CCDC171: variants seen among roughly 807,000 people sequenced by gnomAD.
CCDC171 encodes the protein coiled-coil domain-containing protein 171.
CCDC171 carries 177 observed loss-of-function variants against 168.2 expected under a neutral mutation model. That is an observed-to-expected ratio of 1.05 (90% CI 0.93 to 1.19). The LOEUF (loss-of-function observed/expected upper bound fraction) is 1.19. Ranked by LOEUF, CCDC171 falls within the 50% of genes most tolerant of loss-of-function variation. The pLI is 0.00. For missense variants in CCDC171, 1,991 were observed against 1,539.0 expected (o/e 1.29, Z -4.91); for synonymous variants, 687 against 540.8 (o/e 1.27, Z -3.75).
intron 21 of CCDC171, among the ~76,000 whole-genome samples, chr9:15,798,985 TTC>T (rs999554519): frequency 2.0e-5 from 3 of 151,664 alleles, no homozygotes; most frequent in Non-Finnish European, 2.9e-5. Flanking sequence ...TCCATTTCTT[TTC>T]TTTCATTCTC....
chr9:16,094,892 G>A, the CCDC171 span, among the ~76,000 whole-genome samples: 2 of 152,182 alleles, frequency 1.3e-5, no homozygotes, highest in African/African-American at 2.4e-5. Context: ...CCTGATGGAG[G>A]TGATTGGATC....
At chr9:15,919,258 T>C (rs1056739718) in intron 24 of CCDC171, among the ~76,000 whole-genome samples, 2 of 151,640 alleles carry the variant, frequency 1.3e-5, no homozygotes, top group Non-Finnish European at 3.0e-5. Flanking sequence ...GTAACTAACT[T>C]ACCTCTGTTT....
chr9:16,006,786 A>G (rs1195254075), intron 3 of CCDC171, among the ~76,000 whole-genome samples: 5 of 152,276 alleles, frequency 3.3e-5, no homozygotes, highest in Non-Finnish European at 7.4e-5. Flanking sequence ...GCTGCATGGT[A>G]TTCCATGGTG....
intron 6 of CCDC171, among the ~76,000 whole-genome samples, chr9:15,606,868 C>T (rs1564034295): frequency 6.6e-6 from 1 of 152,124 alleles, no homozygotes; most frequent in Non-Finnish European, 1.5e-5. Context: ...GAAGAACTTC[C>T]CTCAATTTCC....
At chr9:15,723,546 C>A in intron 12 of CCDC171, 135 bp from the exon 13 acceptor site, 1 of 632,132 alleles carries the variant, frequency 1.6e-6, no homozygotes, top group Non-Finnish European at 2.8e-6. Context: ...CTCTTAATTA[C>A]TATTGAAAAA....
At chr9:15,611,838 G>C (rs973723906) in intron 6 of CCDC171, among the ~76,000 whole-genome samples, 3 of 152,138 alleles carry the variant, frequency 2.0e-5, no homozygotes, top group African/African-American at 7.2e-5. Flanking sequence ...AAGGTTAGCT[G>C]TTTTGCTAGG....
chr9:15,641,404 CAG>C (rs1358166471), intron 7 of CCDC171, among the ~76,000 whole-genome samples: 9 of 152,124 alleles, frequency 5.9e-5, no homozygotes, highest in African/African-American at 2.2e-4. Context: ...TTGGGGATAA[CAG>C]AATGTAGTAG....
chr9:15,940,345 A>G (rs1359412511), intron 25 of CCDC171, among the ~76,000 whole-genome samples: 2 of 151,884 alleles, frequency 1.3e-5, no homozygotes, highest in African/African-American at 4.8e-5. Context: ...CAAGTCATTT[A>G]AGGTCATTTC....
chr9:15,640,853 T>C (rs1431268156), intron 7 of CCDC171, among the ~76,000 whole-genome samples: 1 of 152,144 alleles, frequency 6.6e-6, no homozygotes, highest in Non-Finnish European at 1.5e-5. Flanking sequence ...GGCATCTTTT[T>C]TGGTAATAAA....
chr9:15,711,155 A>G (rs988474897), intron 11 of CCDC171, among the ~76,000 whole-genome samples: 3 of 152,164 alleles, frequency 2.0e-5, no homozygotes, highest in African/African-American at 7.2e-5. Flanking sequence ...GTGACTAAGG[A>G]ATTGAAAATT....
exon 2 of CCDC171, chr9:16,060,767 G>A (rs1833921950): frequency 6.6e-6 from 1 of 152,220 alleles, no homozygotes; most frequent in African/African-American, 2.4e-5. Context: ...CTAGTTACAA[G>A]AACAGCAGAA....
chr9:15,774,927 G>T (rs781752577), intron 18 of CCDC171, among the ~76,000 whole-genome samples: 30 of 152,328 alleles, frequency 2.0e-4, no homozygotes, highest in Middle Eastern at 6.8e-3. Flanking sequence ...GCATAAGAAT[G>T]ATACATTGTA....
intron 21 of CCDC171, among the ~76,000 whole-genome samples, chr9:15,837,325 G>C (rs2060495052): frequency 6.6e-6 from 1 of 152,160 alleles, no homozygotes; most frequent in African/African-American, 2.4e-5. Flanking sequence ...TTCTTCAGGT[G>C]AATGGGTTGG....
intron 18 of CCDC171, among the ~76,000 whole-genome samples, chr9:15,753,412 A>G (rs1348851287): frequency 2.0e-5 from 3 of 152,126 alleles, no homozygotes; most frequent in Non-Finnish European, 1.5e-5. Flanking sequence ...TGGCCTATAG[A>G]TAGTGATTAA....
chr9:15,605,878 T>C (rs2043192756), intron 6 of CCDC171, among the ~76,000 whole-genome samples: 1 of 152,194 alleles, frequency 6.6e-6, no homozygotes, highest in African/African-American at 2.4e-5. Flanking sequence ...CTTATTCTTT[T>C]AGTATTTGCA....
At chr9:15,584,003 A>G (rs1230948713) in intron 4 of CCDC171, among the ~76,000 whole-genome samples, 1 of 152,004 alleles carries the variant, frequency 6.6e-6, no homozygotes, top group Non-Finnish European at 1.5e-5. Flanking sequence ...AGTGGCTGGG[A>G]TTACAGGTGC....
chr9:15,761,755 C>G (rs369215737), intron 18 of CCDC171, among the ~76,000 whole-genome samples: 1 of 152,144 alleles, frequency 6.6e-6, no homozygotes, highest in Non-Finnish European at 1.5e-5. Flanking sequence ...CTGCTAGTCT[C>G]TATTTTGGGG....
At chr9:15,883,389 G>A (rs1436602829) in intron 24 of CCDC171, among the ~76,000 whole-genome samples, 1 of 151,890 alleles carries the variant, frequency 6.6e-6, no homozygotes, top group Non-Finnish European at 1.5e-5. Context: ...ATTGTAATAA[G>A]GTATTTTCTG....
intron 7 of CCDC171, among the ~76,000 whole-genome samples, chr9:15,636,990 TC>T (rs1198597450): frequency 6.6e-6 from 1 of 151,728 alleles, no homozygotes; most frequent in East Asian, 2.0e-4. Flanking sequence ...GCGTGGTGGC[TC>T]ATGCCTGTAA....
Sources: gnomAD v4.1 joint callset for allele counts (sites outside exome capture counted in the v4.1 genomes callset) on GRCh38, gnomAD v4.1.1 for gene constraint, MANE v1.5 for transcripts, NCBI Gene and HGNC (gene_info 2026-07-23, HGNC 2026-07-21) for gene names.